The following U2SURP variants were observed in gnomAD, a reference collection of about 807,000 sequenced individuals.
U2SURP encodes the protein U2 snRNP associated SURP domain containing.
A neutral mutation model predicts 144.9 loss-of-function variants in U2SURP; 9 were observed. That is an observed-to-expected ratio of 0.06 (90% confidence interval 0.04 to 0.11). The LOEUF (loss-of-function observed/expected upper bound fraction) is 0.11. Ranked by LOEUF, U2SURP falls within the 10% of genes least tolerant of loss-of-function variation. The pLI is 1.00. For synonymous variants in U2SURP, 408 were observed against 396.8 expected (o/e 1.03, Z -0.33); for missense variants, 724 against 1,226.7 (o/e 0.59, Z 6.12).
intron 16 of U2SURP, among the ~76,000 whole-genome samples, chr3:143,030,243 A>G (rs556287375): frequency 6.6e-6 from 1 of 152,206 alleles, no homozygotes; most frequent in Non-Finnish European, 1.5e-5. Context: ...CCTGGGTTAA[A>G]AGCTTCAAAG....
chr3:143,018,238 A>G (rs1936470962), intron 6 of U2SURP, among the ~76,000 whole-genome samples: 1 of 151,858 alleles, frequency 6.6e-6, no homozygotes, highest in Non-Finnish European at 1.5e-5. Flanking sequence ...CAGCCTACTA[A>G]TCTACTTTCT....
chr3:143,043,328 C>A, intron 24 of U2SURP, 52 bp downstream of exon 24: 1 of 1,525,832 alleles, frequency 6.6e-7, no homozygotes, highest in Admixed American at 2.1e-5. Flanking sequence ...TTCACTTTCT[C>A]CACCAAACTA....
In U2SURP at chr3:143,037,159, A is replaced by G. The variant is rs375643694; in HGVS notation, c.2065-20A>G. ...TTCAGCAAGCAAAGGAAAATGTTAT[A>G]ATAGTACACATTTCCATAGGATGTT... On this transcript the variant is annotated intron_variant, in intron 20 of 27. Transcript: ENST00000473835. The G allele has an allele frequency of 5.0e-6, 8 of 1,604,466 alleles. No homozygotes were observed. The highest frequency in any genetic ancestry group is 6.8e-6 in the Non-Finnish European group (8 of 1,175,078).
chr3:143,018,131 C>A (rs1039335326), intron 6 of U2SURP, among the ~76,000 whole-genome samples: 3 of 152,048 alleles, frequency 2.0e-5, no homozygotes, highest in Non-Finnish European at 1.5e-5. Flanking sequence ...GCAACAATCA[C>A]CACTCTAATT....
chr3:143,056,749 G>A lies in U2SURP; in HGVS notation c.*299G>A, dbSNP rs1207048971. On this transcript the variant is annotated 3_prime_UTR_variant, in exon 28 of 28. Transcript: ENST00000473835. ...CAGTAGTAGTATTTTGTTTTAGGATGTTGTGACTTAGCAAAAATAATACAG... is the reference window on the plus strand; with the variant it reads ...CAGTAGTAGTATTTTGTTTTAGGATATTGTGACTTAGCAAAAATAATACAG... The A allele has an allele frequency of 4.5e-6, 1 of 220,510 alleles. No individual in the cohort carries two copies. Among genetic ancestry groups the A allele is most frequent in the Non-Finnish European group, 9.0e-6 (1 of 110,632 alleles). 13.7% of individuals were successfully genotyped at this position (220,510 alleles called of 1,614,324 possible).
intron 1 of U2SURP, among the ~76,000 whole-genome samples, chr3:143,006,096 C>A (rs923884152): frequency 6.6e-6 from 1 of 152,156 alleles, no homozygotes; most frequent in African/African-American, 2.4e-5. Context: ...TTTCACAAGG[C>A]CCTTCCTCAG....
At chr3:143,021,611 C>A in intron 10 of U2SURP, 56 bp downstream of exon 10, 2 of 1,493,214 alleles carry the variant, frequency 1.3e-6, no homozygotes, top group Non-Finnish European at 9.2e-7. Context: ...TGGAAGAAAG[C>A]TTTGTTAGTC....
intron 1 of U2SURP, among the ~76,000 whole-genome samples, chr3:143,007,727 G>A (rs56382522): frequency 0.6 from 91,071 of 151,876 alleles, 27,593 homozygotes; most frequent in East Asian, 0.69. Flanking sequence ...ACAGGCGTGA[G>A]CCACCGCGCC....
chr3:143,036,938 C>A, intron 20 of U2SURP: 1 of 466,364 alleles, frequency 2.1e-6, no homozygotes, highest in Admixed American at 3.6e-5. Flanking sequence ...GGGGACCAAA[C>A]TTGTTTTTGC....
intron 13 of U2SURP, among the ~76,000 whole-genome samples, chr3:143,025,124 C>T (rs1466979739): frequency 6.6e-6 from 1 of 151,940 alleles, no homozygotes; most frequent in Non-Finnish European, 1.5e-5. Flanking sequence ...TTTAAATAAT[C>T]ATGAAACATT....
chr3:143,044,284 C>T (rs1470357188), intron 24 of U2SURP, among the ~76,000 whole-genome samples: 1 of 47,502 alleles, frequency 2.1e-5, no homozygotes. Context: ...CCCCTCTCCC[C>T]TCTCCTTTTT....
chr3:143,046,326 T>A (rs1387960881), intron 24 of U2SURP, among the ~76,000 whole-genome samples: 3 of 147,640 alleles, frequency 2.0e-5, no homozygotes, highest in East Asian at 1.9e-4. Flanking sequence ...TTTTTATTTT[T>A]TATTTTTTTT....
In U2SURP at chr3:143,032,850, A is replaced by G. The variant is rs756097078; in HGVS notation, c.1677A>G (p.Ala559=). The change falls in exon 17 of 28, where the codon GCA becomes GCG. Residue 559 remains alanine, a synonymous_variant. Transcript: ENST00000473835. ...LTPRKNDIGD[A]MVFCLNNAEA... ...CAAGGAAAAATGATATTGGAGATGC[A>G]ATGGTTTTCTGTCTTAATAATGCTG... The G allele has an allele frequency of 3.7e-6, 6 of 1,613,568 alleles. No homozygotes were observed. Among genetic ancestry groups the G allele is most frequent in the Non-Finnish European group, 4.2e-6 (5 of 1,179,714 alleles).
At chr3:143,016,701 A>G (rs1262372172) in intron 5 of U2SURP, 141 bp from the exon 6 acceptor site, 38 of 760,200 alleles carry the variant, frequency 5.0e-5, no homozygotes, top group East Asian at 2.5e-4. Context: ...TTGAGGTGAT[A>G]TTTGAATTTA....
At chr3:143,034,790 G>A in intron 18 of U2SURP, 98 bp from the exon 19 acceptor site, 3 of 688,758 alleles carry the variant, frequency 4.4e-6, no homozygotes, top group Non-Finnish European at 7.3e-6. Flanking sequence ...TGATTTGTAA[G>A]TATTTTAAGT....
chr3:143,047,119 G>A (rs1460003154), intron 24 of U2SURP, among the ~76,000 whole-genome samples: 30 of 103,378 alleles, frequency 2.9e-4, no homozygotes, highest in African/African-American at 8.8e-4. Flanking sequence ...CAGTAGGGGC[G>A]GCCGGGCAGA....
Position 143,012,263 on chromosome 3 carries a change from G to T in U2SURP, c.132G>T (p.Arg44=), listed in dbSNP as rs1198526544. 6.2e-7 allele frequency: 1 copy of T among 1,613,322 alleles called. No homozygotes were observed. Among genetic ancestry groups the T allele is most frequent in the Admixed American group, 1.7e-5 (1 of 59,952 alleles). ...CCTCAGATAGTGATATGCCAAGTCGGACACGACCTAAGAGCCCAAGAAAAC... is the reference window on the plus strand; with the variant it reads ...CCTCAGATAGTGATATGCCAAGTCGTACACGACCTAAGAGCCCAAGAAAAC... ...SGPSDSDMPS[R]TRPKSPRKHN... The change falls in exon 3 of 28, where the codon CGG becomes CGT. Residue 44 remains arginine, a synonymous_variant. Transcript: ENST00000473835.
intron 12 of U2SURP, 73 bp downstream of exon 12, chr3:143,023,137 C>A: frequency 7.7e-7 from 1 of 1,297,542 alleles, no homozygotes; most frequent in Non-Finnish European, 1.0e-6. Flanking sequence ...TTCTTTTCAA[C>A]AATTTTATAG....
Position 143,058,319 on chromosome 3 carries a change from C to T in U2SURP, c.*1869C>T, listed in dbSNP as rs902352927. ...GTCAAGTTGCAAGGGATGCTTATTT[C>T]TCTTCAAAAAAAGACATCCTGCGGG... On this transcript the variant is annotated 3_prime_UTR_variant, in exon 28 of 28. Transcript: ENST00000473835. 6 of 151,752 alleles carry T rather than the reference C, an allele frequency of 4.0e-5. No individual in the cohort carries two copies. Among genetic ancestry groups the T allele is most frequent in the Non-Finnish European group, 8.9e-5 (6 of 67,788 alleles). The allele number at this position is 151,752 out of a possible 1,614,324, so 9.4% of individuals were successfully genotyped here.
Sources: allele counts gnomAD v4.1 joint callset (sites outside exome capture counted in the v4.1 genomes callset), GRCh38; gene constraint gnomAD v4.1.1; transcripts MANE v1.5; gene names NCBI Gene and HGNC (gene_info 2026-07-23, HGNC 2026-07-21).